MEGF10: variants seen among roughly 807,000 people sequenced by gnomAD.
MEGF10 encodes multiple EGF like domains 10, also known as multiple epidermal growth factor-like domains protein 10.
A neutral mutation model predicts 147.5 loss-of-function variants in MEGF10; 86 were observed. The ratio of observed to expected loss-of-function variants is 0.58; its 90% confidence interval spans 0.49 to 0.70. The LOEUF is 0.70. Ranked by LOEUF, MEGF10 falls within the 30% of genes least tolerant of loss-of-function variation. The pLI, the probability that MEGF10 is intolerant of heterozygous loss-of-function variation, is 0.00. For synonymous variants in MEGF10, 478 were observed against 525.5 expected (o/e 0.91, Z 1.24); for missense variants, 1,329 against 1,487.3 (o/e 0.89, Z 1.75).
intron 1 of MEGF10, among the ~76,000 whole-genome samples, chr5:127,313,207 T>C (rs1022762923): frequency 2.6e-5 from 4 of 152,206 alleles, no homozygotes; most frequent in Admixed American, 6.5e-5. Context: ...CTCTATGGGA[T>C]CGTGTAGATT....
the MEGF10 span, among the ~76,000 whole-genome samples, chr5:127,232,788 A>G: frequency 6.6e-6 from 1 of 152,102 alleles, no homozygotes; most frequent in Non-Finnish European, 1.5e-5. Flanking sequence ...TTAAATTGCC[A>G]AAGGACAAAA....
At chr5:127,371,745 T>G (rs1352151125) in intron 5 of MEGF10, among the ~76,000 whole-genome samples, 4 of 152,206 alleles carry the variant, frequency 2.6e-5, no homozygotes, top group Non-Finnish European at 5.9e-5. Flanking sequence ...ACCGTTGCTT[T>G]ATTTTGGAGT....
intron 5 of MEGF10, among the ~76,000 whole-genome samples, chr5:127,387,699 A>G (rs1417224087): frequency 6.6e-6 from 1 of 152,226 alleles, no homozygotes; most frequent in Non-Finnish European, 1.5e-5. Context: ...GCAAATTGCC[A>G]TTTGAGTTCA....
the MEGF10 span, among the ~76,000 whole-genome samples, chr5:127,264,530 G>T: frequency 6.6e-6 from 1 of 152,204 alleles, no homozygotes; most frequent in East Asian, 1.9e-4. Context: ...TGCAGGCAAG[G>T]TTGGATCTAG....
chr5:127,401,464 GC>G (rs917561769), intron 7 of MEGF10, among the ~76,000 whole-genome samples: 2 of 152,154 alleles, frequency 1.3e-5, no homozygotes, highest in Non-Finnish European at 2.9e-5. Flanking sequence ...CACACCAACT[GC>G]CTTTGTGGGT....
intron 5 of MEGF10, among the ~76,000 whole-genome samples, chr5:127,378,325 T>C (rs1763110335): frequency 6.6e-6 from 1 of 152,244 alleles, no homozygotes; most frequent in African/African-American, 2.4e-5. Flanking sequence ...ATGCTACTTA[T>C]GATTCCTTGT....
Position 127,410,932 on chromosome 5 carries a change from T to G in MEGF10, c.1130+331T>G, listed in dbSNP as rs114425080. Among the ~76,000 whole-genome samples, 1,185 of 152,222 alleles carry G rather than the reference T, an allele frequency of 7.8e-3. 29 individuals carry two copies. Among genetic ancestry groups the G allele is most frequent in the Non-Finnish European group, 6.1e-3 (418 of 68,022 alleles). ...TGTGACATTCCCTTAGAAGCAAAGA[T>G]GCAATGAGAGACAAGGAGTTTAGCC... On this transcript the variant is annotated intron_variant, in intron 9 of 24. Transcript: ENST00000503335.
intron 21 of MEGF10, among the ~76,000 whole-genome samples, chr5:127,448,445 C>G (rs1766032286): frequency 6.6e-6 from 1 of 152,144 alleles, no homozygotes; most frequent in Non-Finnish European, 1.5e-5. Context: ...CCACAATGCT[C>G]TGAAGTCTCA....
chr5:127,435,660 C>T (rs921190261), intron 16 of MEGF10, among the ~76,000 whole-genome samples, 171 bp downstream of exon 16: 4 of 150,750 alleles, frequency 2.7e-5, no homozygotes, highest in South Asian at 4.2e-4. Flanking sequence ...TTTCCCATTA[C>T]GACCTCTATG....
rs1190217716 is a variant in MEGF10 at position 127,457,906 on chromosome 5, G to T, written c.*588G>T. On this transcript the variant is annotated 3_prime_UTR_variant, in exon 25 of 25. Transcript: ENST00000503335. ...AGACTTTGAATATACTCTAAAAGTG[G>T]ACAGAAAATTTACGAAAATCTTAGA... 6.6e-6 allele frequency: 1 copy of T among 152,152 alleles called. No individual in the cohort carries two copies. The highest frequency in any genetic ancestry group is 2.4e-5 in the African/African-American group (1 of 41,428). 9.4% of individuals were successfully genotyped at this position (152,152 alleles called of 1,614,324 possible). A position where few individuals can be genotyped will look rare whatever the true frequency, so the allele number is the denominator to read the frequency against.
upstream of MEGF10, among the ~76,000 whole-genome samples, chr5:127,288,032 C>T (rs927914028): frequency 3.3e-5 from 5 of 152,026 alleles, no homozygotes; most frequent in Admixed American, 6.5e-5. Flanking sequence ...GGTGCCAAAA[C>T]AACTGGATAT....
chr5:127,438,135 G>A (rs1258251076), intron 16 of MEGF10, among the ~76,000 whole-genome samples: 1 of 152,138 alleles, frequency 6.6e-6, no homozygotes, highest in Admixed American at 6.5e-5. Context: ...ACAGTGTTGG[G>A]TACATAATAG....
upstream of MEGF10, among the ~76,000 whole-genome samples, chr5:127,288,780 C>G (rs1759110707): frequency 1.3e-5 from 2 of 152,154 alleles, no homozygotes; most frequent in African/African-American, 2.4e-5. Context: ...AAAGATTGTT[C>G]CTAGCAGCTT....
chr5:127,322,972 T>A (rs1760849439), intron 1 of MEGF10, among the ~76,000 whole-genome samples: 1 of 150,864 alleles, frequency 6.6e-6, no homozygotes, highest in South Asian at 2.1e-4. Flanking sequence ...ACAATGTGTG[T>A]ATATATATAT....
chr5:127,263,739 C>T, the MEGF10 span, among the ~76,000 whole-genome samples: 15 of 152,094 alleles, frequency 9.9e-5, 1 homozygote, highest in Admixed American at 5.2e-4. Context: ...GCTAAGTAAT[C>T]CTGTAAATGA....
intron 5 of MEGF10, among the ~76,000 whole-genome samples, chr5:127,376,360 G>A (rs1426037552): frequency 6.6e-6 from 1 of 152,168 alleles, no homozygotes; most frequent in Non-Finnish European, 1.5e-5. Flanking sequence ...TGAGAGAGTG[G>A]ATTGCGGAAT....
intron 12 of MEGF10, among the ~76,000 whole-genome samples, chr5:127,420,686 G>A (rs918962768): frequency 1.2e-4 from 18 of 152,068 alleles, no homozygotes; most frequent in African/African-American, 4.3e-4. Context: ...TATCTCTGGA[G>A]CCACAAAAAT....
Position 127,429,990 on chromosome 5 carries a change from C to A in MEGF10, c.1694-3373C>A, listed in dbSNP as rs566720039. ...CAGATGTCTCACCTGCTCTCCCCAG[C>A]CCCTGAGTTTTAGCTGTACCCAACA... On this transcript the variant is annotated intron_variant, in intron 13 of 24. Coordinates refer to ENST00000503335, the MANE Select transcript of MEGF10 (RefSeq NM_001256545.2). 9.2e-5 allele frequency among the ~76,000 whole-genome samples: 14 copies of A among 152,278 alleles called. No individual in the cohort carries two copies. In the South Asian group the frequency reaches 2.9e-3, roughly 32 times the overall value.
intron 17 of MEGF10, 71 bp from the exon 18 acceptor site, chr5:127,440,668 T>C: frequency 6.5e-7 from 1 of 1,535,116 alleles, no homozygotes; most frequent in Non-Finnish European, 8.9e-7. Flanking sequence ...ACAAATATGT[T>C]GGAGGCACGA....
Sources: gnomAD v4.1 joint callset for allele counts (sites outside exome capture counted in the v4.1 genomes callset) on GRCh38, gnomAD v4.1.1 for gene constraint, MANE v1.5 for transcripts, NCBI Gene and HGNC (gene_info 2026-07-23, HGNC 2026-07-21) for gene names.